Variants in TMEM132C observed in about 807,000 individuals in gnomAD.
TMEM132C encodes the protein protein phosphatase 1, regulatory subunit 152.
In TMEM132C, 29 loss-of-function variants were observed where a neutral mutation model predicts 61.4. The ratio of observed to expected loss-of-function variants is 0.47; its 90% CI spans 0.35 to 0.64. The LOEUF (loss-of-function observed/expected upper bound fraction) is 0.64. Ranked by LOEUF, TMEM132C falls within the 30% of genes least tolerant of loss-of-function variation. The pLI, the probability that TMEM132C is intolerant of heterozygous loss-of-function variation, is 0.00. For missense variants in TMEM132C, 1,408 were observed against 1,476.9 expected, an observed-to-expected ratio of 0.95 and a Z score of 0.76; for synonymous variants, 656 against 633.1, an observed-to-expected ratio of 1.04 and a Z score of -0.54.
intron 1 of TMEM132C, among the ~76,000 whole-genome samples, chr12:128,365,768 A>G (rs1294730468): frequency 6.6e-6 from 1 of 152,064 alleles, no homozygotes; most frequent in Non-Finnish European, 1.5e-5. Context: ...TCTGAGTTTC[A>G]TTTTTACAAG....
chr12:128,538,214 G>C (rs576627883), intron 2 of TMEM132C, among the ~76,000 whole-genome samples: 133 of 152,272 alleles, frequency 8.7e-4, no homozygotes, highest in African/African-American at 2.9e-3. Context: ...TCTGCCTCCT[G>C]GGTTCAAGTG....
At chr12:128,417,741 T>C (rs539897189) in intron 2 of TMEM132C, among the ~76,000 whole-genome samples, 3 of 152,352 alleles carry the variant, frequency 2.0e-5, no homozygotes, top group South Asian at 4.1e-4. Context: ...TGAATATTAC[T>C]AACAGGGCTG....
chr12:128,402,121 C>G (rs1328587785), intron 1 of TMEM132C, among the ~76,000 whole-genome samples: 1 of 152,098 alleles, frequency 6.6e-6, no homozygotes, highest in Admixed American at 6.5e-5. Context: ...GAGAGAGACT[C>G]CAAGCCGAGG....
intron 2 of TMEM132C, among the ~76,000 whole-genome samples, chr12:128,470,456 T>A (rs1870911163): frequency 6.6e-6 from 1 of 152,206 alleles, no homozygotes; most frequent in African/African-American, 2.4e-5. Flanking sequence ...TGGTCTCCTC[T>A]GCTACCTCTC....
At chr12:128,268,795 C>G (rs1281194263) in intron 1 of TMEM132C, among the ~76,000 whole-genome samples, 1 of 151,450 alleles carries the variant, frequency 6.6e-6, no homozygotes, top group African/African-American at 2.4e-5. Context: ...CTGCGCTTTC[C>G]CAGATACACC....
At chr12:128,617,446 C>T (rs1163394812) in intron 4 of TMEM132C, among the ~76,000 whole-genome samples, 1 of 152,204 alleles carries the variant, frequency 6.6e-6, no homozygotes, top group Non-Finnish European at 1.5e-5. Flanking sequence ...CAACTTGAAG[C>T]CAATCACTGA....
chr12:128,362,871 G>A (rs1175180693), intron 1 of TMEM132C, among the ~76,000 whole-genome samples: 6 of 152,180 alleles, frequency 3.9e-5, no homozygotes, highest in Non-Finnish European at 8.8e-5. Flanking sequence ...TTTTTGGTGA[G>A]CTGCTCCAAC....
intron 3 of TMEM132C, among the ~76,000 whole-genome samples, chr12:128,552,531 ATAACTT>A (rs1490474536): frequency 4.6e-4 from 70 of 152,268 alleles, no homozygotes; most frequent in Non-Finnish European, 2.8e-4. Context: ...TATTTAAAAA[ATAACTT>A]TAATGTACAC....
chr12:128,561,258 A>G lies in TMEM132C; in HGVS notation c.1121+17155A>G, dbSNP rs1337958497. On this transcript the variant is annotated intron_variant, in intron 3 of 8. Coordinates refer to ENST00000435159, the MANE Select transcript of TMEM132C (RefSeq NM_001136103.3). ...TGTCATTCCAGTTGGCAAGAACTTC[A>G]TGGCTTTGCCCAAGCTTGAAATTTG... is the stretch of plus-strand genomic sequence containing the variant. Among the ~76,000 whole-genome samples the G allele has an allele frequency of 2.0e-5, 3 of 152,258 alleles. No homozygotes were observed. In the East Asian group the frequency reaches 5.8e-4, roughly 29 times the overall value.
intron 4 of TMEM132C, among the ~76,000 whole-genome samples, chr12:128,653,218 G>GT (rs1566003938): frequency 6.6e-6 from 1 of 150,380 alleles, no homozygotes; most frequent in Non-Finnish European, 1.5e-5. Context: ...TCCAGAATAG[G>GT]TAAGTCCATA....
chr12:128,692,084 C>T (rs1231914443), intron 5 of TMEM132C, among the ~76,000 whole-genome samples: 2 of 149,796 alleles, frequency 1.3e-5, no homozygotes, highest in African/African-American at 5.1e-5. Flanking sequence ...TCCATCCATC[C>T]GTTCATGTGT....
chr12:128,651,052 T>C (rs192228962), intron 4 of TMEM132C, among the ~76,000 whole-genome samples: 10 of 152,340 alleles, frequency 6.6e-5, no homozygotes, highest in Admixed American at 5.9e-4. Flanking sequence ...CTTGCTGTCC[T>C]GAGCCTCGCC....
intron 1 of TMEM132C, among the ~76,000 whole-genome samples, chr12:128,409,376 G>T (rs901775476): frequency 6.6e-6 from 1 of 152,036 alleles, no homozygotes. Context: ...TGTAAATCAG[G>T]AATCTCAAAC....
intron 3 of TMEM132C, among the ~76,000 whole-genome samples, chr12:128,589,752 T>A (rs545523676): frequency 6.7e-6 from 1 of 149,924 alleles, no homozygotes; most frequent in African/African-American, 2.5e-5. Flanking sequence ...AAGCCTGGAT[T>A]TGAATTCCTT....
intron 4 of TMEM132C, among the ~76,000 whole-genome samples, chr12:128,665,400 C>G (rs1954449834): frequency 6.6e-6 from 1 of 151,168 alleles, no homozygotes; most frequent in Non-Finnish European, 1.5e-5. Context: ...CACAGGCACT[C>G]ACACATACAC....
Position 128,646,784 on chromosome 12 carries a change from G to C in TMEM132C, c.1306-22633G>C, listed in dbSNP as rs187199602. On this transcript the variant is annotated intron_variant, in intron 4 of 8. Transcript: ENST00000435159. Reference sequence around the variant, plus strand: ...ATTGGATATGAGTGTGTTTACCAGAGTCCATCAGCATTGGATGAGTGTGTT... The same window carrying C: ...ATTGGATATGAGTGTGTTTACCAGACTCCATCAGCATTGGATGAGTGTGTT... 3.8e-4 allele frequency among the ~76,000 whole-genome samples: 57 copies of C among 151,732 alleles called. 1 individual carries two copies. The South Asian group carries it at 0.011, about 30-fold the overall frequency.
intron 2 of TMEM132C, among the ~76,000 whole-genome samples, chr12:128,473,752 A>G (rs1380940923): frequency 6.6e-6 from 1 of 151,202 alleles, no homozygotes; most frequent in Non-Finnish European, 1.5e-5. Flanking sequence ...CTCTGTCTTC[A>G]TCTTCACGTG....
In TMEM132C at chr12:128,392,488, T is replaced by C. The variant is rs763582379; in HGVS notation, c.86-22244T>C. 1.3e-4 allele frequency among the ~76,000 whole-genome samples: 20 copies of C among 151,146 alleles called. 1 individual carries two copies. The highest frequency in any genetic ancestry group is 7.9e-4 in the East Asian group (4 of 5,080). On this transcript the variant is annotated intron_variant, in intron 1 of 8. Coordinates refer to ENST00000435159, the MANE Select transcript of TMEM132C (RefSeq NM_001136103.3). ...TCCAGTTTCTCAAATAAGATTTGAG[T>C]GTGAGAGAGCCTGACCCCAGAACGT...
chr12:128,417,549 A>G (rs1056274739), intron 2 of TMEM132C, among the ~76,000 whole-genome samples: 1 of 152,286 alleles, frequency 6.6e-6, no homozygotes, highest in African/African-American at 2.4e-5. Context: ...TATCTGTTCT[A>G]CTTACAGCCT....
Sources: allele counts gnomAD v4.1 joint callset (sites outside exome capture counted in the v4.1 genomes callset), GRCh38; gene constraint gnomAD v4.1.1; transcripts MANE v1.5; gene names NCBI Gene and HGNC (gene_info 2026-07-23, HGNC 2026-07-21).